FANCC: variants seen among roughly 807,000 people sequenced by gnomAD.
FANCC encodes the protein Fanconi anemia group C protein.
FANCC carries 55 observed loss-of-function variants against 71.3 expected under a neutral mutation model. The ratio of observed to expected loss-of-function variants is 0.77; its 90% CI spans 0.62 to 0.97. FANCC has a LOEUF of 0.97. Among genes scored for constraint, FANCC ranks in the 50% least tolerant of loss-of-function variants. The pLI is 0.00. For synonymous variants in FANCC, 275 were observed against 244.9 expected (o/e 1.12, Z -1.15); for missense variants, 678 against 670.9 (o/e 1.01, Z -0.12).
At chr9:95,117,463 G>A in intron 10 of FANCC, 73 bp from the exon 11 acceptor site, 1 of 1,271,260 alleles carries the variant, frequency 7.9e-7, no homozygotes, top group Non-Finnish European at 1.1e-6. Flanking sequence ...ACAAAACTCT[G>A]AGTCCTCTGC....
At chr9:95,166,613 A>G (rs1480698440) in intron 6 of FANCC, among the ~76,000 whole-genome samples, 2 of 152,196 alleles carry the variant, frequency 1.3e-5, no homozygotes, top group Non-Finnish European at 2.9e-5. Flanking sequence ...CAGAATTAAA[A>G]AGTGATTTAT....
intron 6 of FANCC, among the ~76,000 whole-genome samples, chr9:95,163,114 T>C (rs975162268): frequency 5.3e-5 from 8 of 152,230 alleles, no homozygotes; most frequent in African/African-American, 1.9e-4. Context: ...TTTTTATATA[T>C]AATGAAAGGT....
chr9:95,121,892 C>G lies in FANCC; in HGVS notation c.996+3194G>C, dbSNP rs1168049781. 2.4e-4 allele frequency among the ~76,000 whole-genome samples: 35 copies of G among 147,720 alleles called. 1 individual carries two copies. Among genetic ancestry groups the G allele is most frequent in the African/African-American group, 7.6e-4 (30 of 39,626 alleles). On this transcript the variant is annotated intron_variant, in intron 10 of 14. Coordinates refer to ENST00000289081, the MANE Select transcript of FANCC (RefSeq NM_000136.3). ...TTTTTTTTTGAGATGGAGTCTCGCT[C>G]TGTCGCCCAGGCTGGAGTGCAGTGG... is the stretch of plus-strand genomic sequence containing the variant.
intron 14 of FANCC, among the ~76,000 whole-genome samples, chr9:95,106,863 C>CT (rs1335772858): frequency 1.3e-5 from 2 of 152,312 alleles, no homozygotes; most frequent in East Asian, 1.9e-4. Flanking sequence ...CTCTGAGCCT[C>CT]TGTTTTCTCT....
chr9:95,278,973 C>G (rs913829244), intron 1 of FANCC, among the ~76,000 whole-genome samples: 1 of 151,804 alleles, frequency 6.6e-6, no homozygotes, highest in Admixed American at 6.6e-5. Context: ...ATCACTTGAG[C>G]CCAGGAGTTT....
chr9:95,230,069 A>G (rs1326578883), intron 4 of FANCC, among the ~76,000 whole-genome samples: 3 of 151,066 alleles, frequency 2.0e-5, no homozygotes, highest in Admixed American at 6.6e-5. Flanking sequence ...TCCTCTTTAA[A>G]TGGTTGCTTC....
intron 6 of FANCC, among the ~76,000 whole-genome samples, chr9:95,161,493 A>G (rs1165481266): frequency 6.6e-6 from 1 of 152,212 alleles, no homozygotes; most frequent in Non-Finnish European, 1.5e-5. Flanking sequence ...TTGTTCTGCA[A>G]AGTGGTTGTG....
chr9:95,172,320 A>G (rs926944908), intron 4 of FANCC, among the ~76,000 whole-genome samples, 173 bp from the exon 5 acceptor site: 6 of 152,256 alleles, frequency 3.9e-5, no homozygotes, highest in Admixed American at 3.3e-4. Context: ...AAATGTTAGC[A>G]TTAAAGTTAA....
intron 1 of FANCC, among the ~76,000 whole-genome samples, chr9:95,286,876 C>A (rs1400632976): frequency 6.6e-6 from 1 of 152,062 alleles, no homozygotes; most frequent in Non-Finnish European, 1.5e-5. Flanking sequence ...CTTTATAAAT[C>A]ATCTTAAACA....
intron 4 of FANCC, among the ~76,000 whole-genome samples, chr9:95,230,564 G>A (rs569211474): frequency 6.6e-6 from 1 of 152,242 alleles, no homozygotes; most frequent in African/African-American, 2.4e-5. Flanking sequence ...TCCTTCAGAT[G>A]TTCAGATGTG....
At chr9:95,165,477 A>G (rs907894928) in intron 6 of FANCC, among the ~76,000 whole-genome samples, 4 of 151,372 alleles carry the variant, frequency 2.6e-5, no homozygotes, top group Admixed American at 1.3e-4. Context: ...ATAGGTTGTG[A>G]TATGTTGGGT....
At chr9:95,105,166 C>G (rs2071348237) in intron 14 of FANCC, among the ~76,000 whole-genome samples, 1 of 152,226 alleles carries the variant, frequency 6.6e-6, no homozygotes, top group South Asian at 2.1e-4. Flanking sequence ...GACACCAGCA[C>G]CTGGGAGGCA....
At chr9:95,139,549 G>A (rs955451292) in intron 7 of FANCC, among the ~76,000 whole-genome samples, 3 of 152,198 alleles carry the variant, frequency 2.0e-5, no homozygotes, top group Middle Eastern at 3.4e-3. Context: ...TGTGGGCCTC[G>A]TGCCACGGAG....
intron 4 of FANCC, among the ~76,000 whole-genome samples, chr9:95,217,356 G>A (rs181523066): frequency 6.6e-6 from 1 of 151,768 alleles, no homozygotes; most frequent in African/African-American, 2.4e-5. Context: ...GTGGTGGTGG[G>A]CGCCTGTGGT....
chr9:95,249,310 G>T lies in FANCC; in HGVS notation c.-19C>A, dbSNP rs772475410. On this transcript the variant is annotated 5_prime_UTR_variant, in exon 2 of 15. Coordinates refer to ENST00000289081, the MANE Select transcript of FANCC (RefSeq NM_000136.3). ...GAGCCATCTTGGAAAAAGCGAAAAG[G>T]TGATGTCCCTTCACAGCAGCCTGTC... 8 of 1,613,534 alleles carry T rather than the reference G, an allele frequency of 5.0e-6. No homozygotes were observed. The highest frequency in any genetic ancestry group is 6.8e-6 in the Non-Finnish European group (8 of 1,179,752).
chr9:95,275,762 T>C (rs910559222), intron 1 of FANCC, among the ~76,000 whole-genome samples: 1 of 152,170 alleles, frequency 6.6e-6, no homozygotes, highest in Non-Finnish European at 1.5e-5. Context: ...TGCATGCCTG[T>C]AATCCCAGCT....
chr9:95,116,483 A>C (rs2072431494), intron 11 of FANCC, among the ~76,000 whole-genome samples: 1 of 152,178 alleles, frequency 6.6e-6, no homozygotes, highest in African/African-American at 2.4e-5. Flanking sequence ...TCTCAAACAG[A>C]TCTACTCACT....
intron 4 of FANCC, among the ~76,000 whole-genome samples, chr9:95,240,388 T>G (rs1231419493): frequency 6.6e-6 from 1 of 152,238 alleles, no homozygotes. Context: ...TTTAATCACC[T>G]GAAAGAAACT....
intron 7 of FANCC, 86 bp from the exon 8 acceptor site, chr9:95,135,588 A>G (rs773076587): frequency 1.4e-5 from 16 of 1,148,008 alleles, no homozygotes; most frequent in Non-Finnish European, 2.0e-5. Flanking sequence ...GCAATCACTA[A>G]TCCAATTTGT....
Sources: allele counts gnomAD v4.1 joint callset (sites outside exome capture counted in the v4.1 genomes callset), GRCh38; gene constraint gnomAD v4.1.1; transcripts MANE v1.5; gene names NCBI Gene and HGNC (gene_info 2026-07-23, HGNC 2026-07-21).